Variants in CD247 observed in about 807,000 individuals in gnomAD.
CD247 encodes CD247 molecule.
A neutral mutation model predicts 30.0 loss-of-function variants in CD247; 13 were observed. The observed-to-expected ratio is 0.43, with a 90% CI of 0.28 to 0.69. CD247 has a LOEUF of 0.69. Ranked by LOEUF, CD247 falls within the 30% of genes least tolerant of loss-of-function variation. The pLI, the probability that CD247 is intolerant of heterozygous loss-of-function variation, is 0.16. For synonymous variants in CD247, 72 were observed against 80.0 expected, an observed-to-expected ratio of 0.90 and a Z score of 0.53; for missense variants, 193 against 212.6, an observed-to-expected ratio of 0.91 and a Z score of 0.57.
chr1:167,465,311 T>TTCC (rs1188583602), intron 1 of CD247, among the ~76,000 whole-genome samples: 1 of 78,184 alleles, frequency 1.3e-5, no homozygotes, highest in Non-Finnish European at 4.1e-5. Context: ...TCCACCTTCC[T>TTCC]TTTTTTTTTC....
chr1:167,499,089 G>T (rs1046542387), intron 1 of CD247, among the ~76,000 whole-genome samples: 1 of 152,234 alleles, frequency 6.6e-6, no homozygotes, highest in African/African-American at 2.4e-5. Flanking sequence ...CGGAGTGATT[G>T]ATCAACACAA....
chr1:167,471,483 C>G (rs1653518453), intron 1 of CD247, among the ~76,000 whole-genome samples: 1 of 152,148 alleles, frequency 6.6e-6, no homozygotes, highest in South Asian at 2.1e-4. Context: ...CAAAAATAGT[C>G]TAATTTTAAA....
At chr1:167,439,577 T>G (rs56185239) in intron 2 of CD247, 177 bp from the exon 3 acceptor site, 6,626 of 623,064 alleles carry the variant, frequency 0.011, 65 homozygotes, top group South Asian at 0.018. Context: ...AGCCCCTTTT[T>G]CTGAGCCCAG....
At chr1:167,514,490 CA>C (rs1655521601) in intron 1 of CD247, among the ~76,000 whole-genome samples, 1 of 152,156 alleles carries the variant, frequency 6.6e-6, no homozygotes, top group African/African-American at 2.4e-5. Context: ...GTGAGCGTGA[CA>C]GGGGCGTCTT....
chr1:167,446,384 TA>T (rs1421028690), intron 1 of CD247, among the ~76,000 whole-genome samples: 14 of 152,216 alleles, frequency 9.2e-5, no homozygotes, highest in Admixed American at 5.9e-4. Flanking sequence ...AGAAAGACTC[TA>T]AGACTCAAAT....
At chr1:167,454,470 G>C (rs1221518062) in intron 1 of CD247, among the ~76,000 whole-genome samples, 1 of 152,256 alleles carries the variant, frequency 6.6e-6, no homozygotes, top group Non-Finnish European at 1.5e-5. Context: ...GCAGAAAGTG[G>C]AGGAACAGGG....
Position 167,471,665 on chromosome 1 carries a change from T to C in CD247, c.59-30898A>G, listed in dbSNP as rs909228181. 5.3e-5 allele frequency among the ~76,000 whole-genome samples: 8 copies of C among 152,238 alleles called. No homozygotes were observed. The Middle Eastern group carries it at 0.01, about 194-fold the overall frequency. ...TCTCTCACGCTGGAGTCCAGTGGTA[T>C]GTTCCTAGCTCACTGCAGCCTTGAA... On this transcript the variant is annotated intron_variant, in intron 1 of 7. Transcript: ENST00000362089.
chr1:167,444,815 T>A (rs1435173436), intron 1 of CD247, among the ~76,000 whole-genome samples: 1 of 152,228 alleles, frequency 6.6e-6, no homozygotes, highest in African/African-American at 2.4e-5. Context: ...TCTTATACAC[T>A]GTACTTCTGA....
chr1:167,471,165 T>C (rs1227499533), intron 1 of CD247, among the ~76,000 whole-genome samples: 2 of 152,160 alleles, frequency 1.3e-5, no homozygotes, highest in African/African-American at 2.4e-5. Context: ...GCCACTGCGC[T>C]CAGCGTGATT....
chr1:167,444,976 A>G (rs1228145919), intron 1 of CD247, among the ~76,000 whole-genome samples: 2 of 150,554 alleles, frequency 1.3e-5, no homozygotes, highest in Non-Finnish European at 2.9e-5. Context: ...CCCAGGCTGG[A>G]GTGCAATGGC....
intron 7 of CD247, among the ~76,000 whole-genome samples, chr1:167,432,112 G>A (rs1419135730): frequency 6.6e-6 from 1 of 152,222 alleles, no homozygotes; most frequent in Non-Finnish European, 1.5e-5. Context: ...CAGGGGGGAG[G>A]GCCCAGACCT....
At chr1:167,454,420 C>T (rs1358470427) in intron 1 of CD247, among the ~76,000 whole-genome samples, 1 of 152,164 alleles carries the variant, frequency 6.6e-6, no homozygotes, top group Non-Finnish European at 1.5e-5. Flanking sequence ...AACATGAACC[C>T]TTACATCAAA....
chr1:167,448,258 T>A, intron 1 of CD247: 1 of 600,252 alleles, frequency 1.7e-6, no homozygotes, highest in Non-Finnish European at 2.1e-6. Context: ...GAGAAGTTAA[T>A]AACATGCCTA....
rs141609740 is a variant in CD247 at position 167,497,548 on chromosome 1, G to A, written c.58+20860C>T. Among the ~76,000 whole-genome samples the A allele has an allele frequency of 4.0e-3, 616 of 152,224 alleles. 4 individuals carry two copies. The highest frequency in any genetic ancestry group is 0.014 in the African/African-American group (575 of 41,526). On this transcript the variant is annotated intron_variant, in intron 1 of 7. Coordinates refer to ENST00000362089, the MANE Select transcript of CD247 (RefSeq NM_198053.3). ...TTAGTGGCAAATTACTACTTTCAGG[G>A]GGAGCATTAAATAAATAAGAAAGTA...
intron 1 of CD247, among the ~76,000 whole-genome samples, chr1:167,507,459 G>C (rs1292085385): frequency 6.6e-6 from 1 of 152,138 alleles, no homozygotes; most frequent in African/African-American, 2.4e-5. Context: ...CAATTAGAAG[G>C]TTAGATTTCT....
At chr1:167,517,863 CT>C (rs2102130679) in intron 1 of CD247, among the ~76,000 whole-genome samples, 1 of 152,314 alleles carries the variant, frequency 6.6e-6, no homozygotes, top group African/African-American at 2.4e-5. Context: ...GCCTGTGCCC[CT>C]CTCCTCCTTG....
At chr1:167,460,441 C>T (rs1248917525) in intron 1 of CD247, among the ~76,000 whole-genome samples, 1 of 151,946 alleles carries the variant, frequency 6.6e-6, no homozygotes, top group Non-Finnish European at 1.5e-5. Flanking sequence ...AGATTATGAC[C>T]AAGAGCCGTA....
At chr1:167,448,793 G>C (rs185137234) in intron 1 of CD247, among the ~76,000 whole-genome samples, 1 of 152,222 alleles carries the variant, frequency 6.6e-6, no homozygotes, top group Admixed American at 6.5e-5. Context: ...CCCAGGAGGT[G>C]GAGGTTGCAG....
chr1:167,473,031 T>C (rs1653595258), intron 1 of CD247, among the ~76,000 whole-genome samples: 1 of 151,962 alleles, frequency 6.6e-6, no homozygotes, highest in South Asian at 2.1e-4. Context: ...ACACAAGTAT[T>C]CTACAGCTGG....
Sources: gnomAD v4.1 joint callset for allele counts (sites outside exome capture counted in the v4.1 genomes callset) on GRCh38, gnomAD v4.1.1 for gene constraint, MANE v1.5 for transcripts, NCBI Gene and HGNC (gene_info 2026-07-23, HGNC 2026-07-21) for gene names.